BTRC: variants seen among roughly 807,000 people sequenced by gnomAD.
The protein encoded by BTRC is beta-transducin repeat containing E3 ubiquitin protein ligase.
A neutral mutation model predicts 85.5 loss-of-function variants in BTRC; 42 were observed. The ratio of observed to expected loss-of-function variants is 0.49; its 90% CI spans 0.38 to 0.64. BTRC has a LOEUF of 0.64. Among genes scored for constraint, BTRC ranks in the 30% least tolerant of loss-of-function variants. The pLI, the probability that BTRC is intolerant of heterozygous loss-of-function variation, is 0.00. For missense variants in BTRC, 594 were observed against 743.5 expected (o/e 0.80, Z 2.34); for synonymous variants, 255 against 263.3 (o/e 0.97, Z 0.30).
chr10:101,490,269 C>T (rs1476737296), intron 4 of BTRC, among the ~76,000 whole-genome samples: 1 of 151,458 alleles, frequency 6.6e-6, no homozygotes, highest in African/African-American at 2.4e-5. Context: ...TCCTTCCTTT[C>T]TTCTTCCTTC....
intron 1 of BTRC, among the ~76,000 whole-genome samples, chr10:101,421,606 TCCCTCCC>T (rs1333125570): frequency 1.1e-4 from 13 of 122,608 alleles, no homozygotes; most frequent in East Asian, 2.6e-4. Context: ...CCTAATGCTA[TCCCTCCC>T]CCCTCCCCCC....
chr10:101,510,336 G>A (rs1400668322), intron 4 of BTRC, among the ~76,000 whole-genome samples: 2 of 151,744 alleles, frequency 1.3e-5, no homozygotes, highest in African/African-American at 2.4e-5. Flanking sequence ...GTGAAACCCC[G>A]TCTCTACTAA....
At chr10:101,525,784 C>T (rs1343261971) in intron 5 of BTRC, among the ~76,000 whole-genome samples, 1 of 151,922 alleles carries the variant, frequency 6.6e-6, no homozygotes, top group Non-Finnish European at 1.5e-5. Context: ...GCTTTAACTT[C>T]CTTATCTAAA....
At chr10:101,465,483 CTT>C (rs1220600936) in intron 3 of BTRC, among the ~76,000 whole-genome samples, 1 of 152,110 alleles carries the variant, frequency 6.6e-6, no homozygotes, top group Non-Finnish European at 1.5e-5. Flanking sequence ...TACCAAAACT[CTT>C]AACACAGGGT....
At chr10:101,530,647 C>T (rs773060345) in intron 6 of BTRC, among the ~76,000 whole-genome samples, 2 of 152,114 alleles carry the variant, frequency 1.3e-5, no homozygotes, top group African/African-American at 4.8e-5. Context: ...CATTTGTTTA[C>T]TGATATTATA....
intron 1 of BTRC, among the ~76,000 whole-genome samples, chr10:101,412,444 G>C (rs1943807113): frequency 1.3e-5 from 2 of 152,154 alleles, no homozygotes; most frequent in Non-Finnish European, 2.9e-5. Flanking sequence ...TTGTTGTTCA[G>C]TGTCTTGAAA....
chr10:101,382,574 T>C (rs979460652), intron 1 of BTRC, among the ~76,000 whole-genome samples: 1 of 152,166 alleles, frequency 6.6e-6, no homozygotes, highest in African/African-American at 2.4e-5. Context: ...TGTCAGTTTG[T>C]TCCATTATTG....
At chr10:101,412,375 T>C (rs1414126579) in intron 1 of BTRC, among the ~76,000 whole-genome samples, 1 of 152,234 alleles carries the variant, frequency 6.6e-6, no homozygotes, top group Admixed American at 6.5e-5. Context: ...AAGACTAGGA[T>C]AATTTTAAGG....
At chr10:101,502,892 A>G (rs927259716) in intron 4 of BTRC, among the ~76,000 whole-genome samples, 1 of 152,212 alleles carries the variant, frequency 6.6e-6, no homozygotes, top group African/African-American at 2.4e-5. Context: ...GCATTAAGCT[A>G]ATTATAATAA....
At chr10:101,396,225 T>TC (rs1943358861) in intron 1 of BTRC, among the ~76,000 whole-genome samples, 1 of 150,962 alleles carries the variant, frequency 6.6e-6, no homozygotes, top group Non-Finnish European at 1.5e-5. Context: ...ATGGATATGG[T>TC]GATCTAGTAG....
At chr10:101,404,492 T>G (rs562826880) in intron 1 of BTRC, among the ~76,000 whole-genome samples, 81 of 152,320 alleles carry the variant, frequency 5.3e-4, no homozygotes, top group African/African-American at 1.9e-3. Flanking sequence ...CAACTCAGTT[T>G]TGTTTAAATT....
chr10:101,380,280 AATT>A (rs1942895627), intron 1 of BTRC, among the ~76,000 whole-genome samples: 1 of 152,354 alleles, frequency 6.6e-6, no homozygotes, highest in East Asian at 1.9e-4. Context: ...GAGTAAATGA[AATT>A]ATTATAAATA....
intron 1 of BTRC, among the ~76,000 whole-genome samples, chr10:101,370,908 A>C (rs1337427981): frequency 6.6e-6 from 1 of 152,130 alleles, no homozygotes; most frequent in Non-Finnish European, 1.5e-5. Flanking sequence ...ATCTGCACAC[A>C]CAGACACACA....
At position 101,505,776 on chromosome 10, in the gene BTRC, CT is replaced by C. The variant is rs532524865; in HGVS notation, c.325-15862del. 7.8e-4 allele frequency among the ~76,000 whole-genome samples: 118 copies of C among 152,168 alleles called. 2 individuals are homozygous for C. In the South Asian group the frequency reaches 0.024, roughly 31 times the overall value. On this transcript the variant is annotated intron_variant, in intron 4 of 14. Coordinates refer to ENST00000370187, the MANE Select transcript of BTRC (RefSeq NM_033637.4). ...TACTAAAATGTGTCTACTGTAAATG[CT>C]ATTTTTAGAAAATGAATTAAACATT...
At chr10:101,522,390 A>AC (rs2062127157) in intron 5 of BTRC, among the ~76,000 whole-genome samples, 1 of 108,878 alleles carries the variant, frequency 9.2e-6, no homozygotes, top group Non-Finnish European at 1.9e-5. Context: ...AAAAAAAAAA[A>AC]CTCTAGAAAT....
intron 1 of BTRC, among the ~76,000 whole-genome samples, chr10:101,404,749 A>G (rs1943578276): frequency 6.6e-6 from 1 of 152,262 alleles, no homozygotes; most frequent in South Asian, 2.1e-4. Context: ...CTGTAATCCC[A>G]GCACTTTGGG....
At chr10:101,517,918 T>G (rs1219892598) in intron 4 of BTRC, among the ~76,000 whole-genome samples, 1 of 147,908 alleles carries the variant, frequency 6.8e-6, no homozygotes, top group African/African-American at 2.5e-5. Flanking sequence ...TCTTTTTTTT[T>G]TTTTTTTTTT....
At chr10:101,354,435 T>C in intron 1 of BTRC, 3 of 578,398 alleles carry the variant, frequency 5.2e-6, no homozygotes, top group Non-Finnish European at 5.9e-6. Flanking sequence ...GGCTCCGCCA[T>C]CTTGTGGATG....
At chr10:101,440,704 CAG>C (rs960110256) in intron 2 of BTRC, among the ~76,000 whole-genome samples, 3 of 151,690 alleles carry the variant, frequency 2.0e-5, no homozygotes, top group African/African-American at 7.3e-5. Flanking sequence ...CCTGGGTTGA[CAG>C]AGTGAGACTC....
Sources: allele counts gnomAD v4.1 joint callset (sites outside exome capture counted in the v4.1 genomes callset), GRCh38; gene constraint gnomAD v4.1.1; transcripts MANE v1.5; gene names NCBI Gene and HGNC (gene_info 2026-07-23, HGNC 2026-07-21).